MMP26: variants seen among roughly 807,000 people sequenced by gnomAD.
MMP26 encodes the protein matrix metallopeptidase 26, also known as matrix metalloproteinase-26.
Under a neutral mutation model 31.0 loss-of-function variants are expected in MMP26, and 33 were observed. The ratio of observed to expected loss-of-function variants is 1.06; its 90% confidence interval spans 0.81 to 1.42. The LOEUF (loss-of-function observed/expected upper bound fraction) is 1.42. Among genes scored for constraint, MMP26 ranks in the 40% most tolerant of loss-of-function variants. The probability of loss-of-function intolerance (pLI) is 0.00; values close to 1 mark genes in which losing one functional copy is unlikely to be tolerated. For synonymous variants in MMP26, 122 were observed against 114.9 expected, an observed-to-expected ratio of 1.06 and a Z score of -0.40; for missense variants, 347 against 316.1, an observed-to-expected ratio of 1.10 and a Z score of -0.74.
chr11:4,808,753 A>C (rs1589907446), intron 2 of MMP26, among the ~76,000 whole-genome samples: 1 of 117,218 alleles, frequency 8.5e-6, no homozygotes, highest in African/African-American at 3.0e-5. Flanking sequence ...TTCTGCTCTC[A>C]GATTTTCTTT....
chr11:4,748,294 A>G (rs1848405411), intron 1 of MMP26, among the ~76,000 whole-genome samples: 1 of 152,142 alleles, frequency 6.6e-6, no homozygotes. Context: ...AGATTGAATC[A>G]GTAATAAAAA....
chr11:4,945,483 T>C (rs1337542861), intron 2 of MMP26: 2 of 148,956 alleles, frequency 1.3e-5, no homozygotes, highest in Non-Finnish European at 3.0e-5. Context: ...AAAGGAAGAG[T>C]TCAAATTTAA....
chr11:4,754,625 C>T (rs1476608334), intron 1 of MMP26, among the ~76,000 whole-genome samples: 2 of 151,886 alleles, frequency 1.3e-5, no homozygotes, highest in African/African-American at 4.8e-5. Context: ...TAAGCGTGCC[C>T]ATTTTTACAC....
intron 2 of MMP26, among the ~76,000 whole-genome samples, chr11:4,854,580 G>C (rs561740825): frequency 1.3e-3 from 191 of 152,314 alleles, no homozygotes; most frequent in Non-Finnish European, 2.2e-3. Context: ...CAAACTGGGT[G>C]GAACCCACCT....
rs761779070 is a variant in MMP26 at position 4,908,315 on chromosome 11, G to T, written c.-144-79753G>T. ...TAATGTATGTGGGAGATAAGAACTT[G>T]AACAATTAGGTAATAAATTATCAAC... On this transcript the variant is annotated intron_variant, in intron 2 of 7. Coordinates refer to ENST00000380390, the MANE Select transcript of MMP26 (RefSeq NM_021801.5). The T allele has an allele frequency of 3.7e-6, 6 of 1,607,878 alleles. No homozygotes were observed. In the Admixed American group the frequency reaches 1.0e-4, roughly 27 times the overall value.
intron 2 of MMP26, among the ~76,000 whole-genome samples, chr11:4,974,586 G>C (rs17255964): frequency 0.091 from 13,817 of 151,942 alleles, 735 homozygotes; most frequent in Middle Eastern, 0.12. Flanking sequence ...TTGCTTAGAG[G>C]AACAATATAA....
intron 2 of MMP26, among the ~76,000 whole-genome samples, chr11:4,879,170 G>A (rs957388385): frequency 6.6e-6 from 1 of 152,088 alleles, no homozygotes; most frequent in Admixed American, 6.6e-5. Flanking sequence ...GGAGGTGGAA[G>A]TTGCAGTGAC....
chr11:4,849,194 T>C, intron 2 of MMP26: 1 of 1,610,194 alleles, frequency 6.2e-7, no homozygotes, highest in Non-Finnish European at 8.5e-7. Context: ...CTATCTGAGT[T>C]GGTAATGTTG....
Position 4,957,277 on chromosome 11 carries a change from A to G in MMP26, c.-144-30791A>G, listed in dbSNP as rs78781466. Among the ~76,000 whole-genome samples, 729 of 152,358 alleles carry G rather than the reference A, an allele frequency of 4.8e-3. 8 individuals carry two copies. The highest frequency in any genetic ancestry group is 0.017 in the African/African-American group (708 of 41,594). ...ATTTTTTTGAAGAAAATGTGTTTACATCATTGTAAAAACATAAACATTCCA... is the reference window on the plus strand; with the variant it reads ...ATTTTTTTGAAGAAAATGTGTTTACGTCATTGTAAAAACATAAACATTCCA... On this transcript the variant is annotated intron_variant, in intron 2 of 7. Coordinates refer to ENST00000380390, the MANE Select transcript of MMP26 (RefSeq NM_021801.5).
chr11:4,821,792 G>A lies in MMP26; in HGVS notation c.-145+54451G>A, dbSNP rs141833534. 2.1e-4 allele frequency: 345 copies of A among 1,613,054 alleles called. No individual in the cohort carries two copies. In the South Asian group the frequency reaches 2.5e-3, roughly 12 times the overall value. On this transcript the variant is annotated intron_variant, in intron 2 of 7. Coordinates refer to ENST00000380390, the MANE Select transcript of MMP26 (RefSeq NM_021801.5). Reference sequence around the variant, plus strand: ...GTTCTACTGGCCATGGCCTTTGATCGTTTTGTGGCCATCTGTTACCCACTG... The same window carrying A: ...GTTCTACTGGCCATGGCCTTTGATCATTTTGTGGCCATCTGTTACCCACTG...
At chr11:4,920,052 G>T (rs1037955855) in intron 2 of MMP26, among the ~76,000 whole-genome samples, 2 of 152,168 alleles carry the variant, frequency 1.3e-5, no homozygotes, top group Non-Finnish European at 2.9e-5. Context: ...AGGGTATGAA[G>T]AGTTAATTTT....
At chr11:4,966,440 G>A (rs746248715) in intron 2 of MMP26, among the ~76,000 whole-genome samples, 11 of 152,112 alleles carry the variant, frequency 7.2e-5, no homozygotes, top group Non-Finnish European at 1.3e-4. Flanking sequence ...TGCCTGATTC[G>A]ATATCTCCAG....
At chr11:4,915,493 C>G (rs2133574836) in intron 2 of MMP26, 3 of 1,614,092 alleles carry the variant, frequency 1.9e-6, no homozygotes, top group East Asian at 4.5e-5. Context: ...GAAGTGAGCG[C>G]TCTGTTTTAA....
intron 2 of MMP26, among the ~76,000 whole-genome samples, chr11:4,776,448 C>T (rs923225495): frequency 1.3e-5 from 2 of 151,880 alleles, no homozygotes; most frequent in African/African-American, 2.4e-5. Flanking sequence ...TCCTCCCCAA[C>T]ATGTGTTATT....
chr11:4,884,923 T>G (rs1184872266), intron 2 of MMP26, among the ~76,000 whole-genome samples: 1 of 152,112 alleles, frequency 6.6e-6, no homozygotes, highest in Non-Finnish European at 1.5e-5. Context: ...AAGAGATATA[T>G]GGCTCTTTAA....
rs145386703 is a variant in MMP26, at chr11:4,943,394, T to C, written c.-144-44674T>C. ...TCTGAGGAACTTCTCTGGTATCAGA[T>C]TGCCCCTAGGTGCTGTGTAGGTGAG... is the stretch of plus-strand genomic sequence containing the variant. On this transcript the variant is annotated intron_variant, in intron 2 of 7. Coordinates refer to ENST00000380390, the MANE Select transcript of MMP26 (RefSeq NM_021801.5). 1,198 of 419,106 alleles carry C rather than the reference T, an allele frequency of 2.9e-3. 8 individuals are homozygous for C. Among genetic ancestry groups the C allele is most frequent in the African/African-American group, 0.022 (1,054 of 48,568 alleles). 26.0% of individuals were successfully genotyped at this position (419,106 alleles called of 1,614,324 possible).
chr11:4,713,962 T>G (rs915799708), intron 1 of MMP26, among the ~76,000 whole-genome samples: 3 of 152,114 alleles, frequency 2.0e-5, no homozygotes, highest in Admixed American at 2.0e-4. Flanking sequence ...CTTGGGAAGC[T>G]TCATACTCTG....
rs180898580 is a variant in MMP26 at position 4,851,768 on chromosome 11, T to A, written c.-145+84427T>A. ...TATTCTGAAGTAAATTATATAGTAA[T>A]GTGCATATTGTAATTTATAGAACAA... On this transcript the variant is annotated intron_variant, in intron 2 of 7. Coordinates refer to ENST00000380390, the MANE Select transcript of MMP26 (RefSeq NM_021801.5). Among the ~76,000 whole-genome samples the A allele has an allele frequency of 3.9e-3, 594 of 152,160 alleles. 3 individuals are homozygous for A. Among genetic ancestry groups the A allele is most frequent in the African/African-American group, 0.013 (541 of 41,544 alleles).
chr11:4,746,577 C>T (rs1025075546), intron 1 of MMP26, among the ~76,000 whole-genome samples: 1 of 152,052 alleles, frequency 6.6e-6, no homozygotes, highest in African/African-American at 2.4e-5. Flanking sequence ...GTGGCTCACG[C>T]CTGTAATCCC....
Sources: gnomAD v4.1 joint callset for allele counts (sites outside exome capture counted in the v4.1 genomes callset) on GRCh38, gnomAD v4.1.1 for gene constraint, MANE v1.5 for transcripts, NCBI Gene and HGNC (gene_info 2026-07-23, HGNC 2026-07-21) for gene names.